Variants in PKP2 observed in about 807,000 individuals in gnomAD.
The protein encoded by PKP2 is plakophilin 2, also known as plakophilin-2.
Under a neutral mutation model 83.4 loss-of-function variants are expected in PKP2, and 73 were observed. The observed-to-expected ratio is 0.88, with a 90% CI of 0.72 to 1.06. The LOEUF (loss-of-function observed/expected upper bound fraction) is 1.06, where lower values mean the gene tolerates loss of function less well. Among genes scored for constraint, PKP2 ranks in the 50% least tolerant of loss-of-function variants. The probability of loss-of-function intolerance (pLI) is 0.00; values close to 1 mark genes in which losing one functional copy is unlikely to be tolerated. For missense variants in PKP2, 966 were observed against 1,065.4 expected (o/e 0.91, Z 1.30); for synonymous variants, 409 against 430.4 (o/e 0.95, Z 0.62).
At chr12:32,831,202 C>T (rs1956498271) in intron 6 of PKP2, among the ~76,000 whole-genome samples, 1 of 152,074 alleles carries the variant, frequency 6.6e-6, no homozygotes, top group African/African-American at 2.4e-5. Flanking sequence ...ATGTTTAAGA[C>T]CTAGAGTAGA....
intron 1 of PKP2, among the ~76,000 whole-genome samples, chr12:32,889,772 A>C (rs532158859): frequency 6.6e-6 from 1 of 152,278 alleles, no homozygotes; most frequent in South Asian, 2.1e-4. Context: ...GAATGTAGGC[A>C]GACTTTTATT....
Position 32,824,053 on chromosome 12 carries a change from C to T in PKP2, c.1666G>A (p.Asp556Asn), listed in dbSNP as rs747627830. Residue 556 changes from aspartate to asparagine, a missense_variant, in exon 7 of 13, where the codon GAT becomes AAT. Physicochemically the swap from Asp to Asn is conservative, Grantham distance 23. Transcript: ENST00000340811. ...VRGTIADYQP[D>N]DKATENCVCI... The stretch of plus-strand genomic sequence containing the variant: ...TTTATCTCTTGAATTACCTTGTCAT[C>T]TGGCTGGTAATCTGCAATGGTTCCT... The T allele has an allele frequency of 7.0e-6, 11 of 1,562,540 alleles. No individual in the cohort carries two copies. The highest frequency in any genetic ancestry group is 1.1e-5 in the South Asian group (1 of 90,028).
intron 9 of PKP2, 114 bp downstream of exon 9, chr12:32,821,242 T>C (rs1956372226): frequency 3.0e-6 from 3 of 989,690 alleles, no homozygotes; most frequent in Non-Finnish European, 4.7e-6. Context: ...AGAATTGTCT[T>C]TACTAAAATA....
intron 9 of PKP2, among the ~76,000 whole-genome samples, chr12:32,817,831 G>C (rs1476117060): frequency 6.6e-6 from 1 of 152,170 alleles, no homozygotes; most frequent in African/African-American, 2.4e-5. Context: ...ACCAGTCCGT[G>C]GACTGTTAGG....
intron 9 of PKP2, among the ~76,000 whole-genome samples, chr12:32,803,234 G>T (rs547446399): frequency 6.6e-6 from 1 of 151,992 alleles, no homozygotes; most frequent in Admixed American, 6.6e-5. Context: ...TTAGCCAGGC[G>T]TGGTGGCACG....
intron 1 of PKP2, among the ~76,000 whole-genome samples, chr12:32,884,533 T>C (rs1219848024): frequency 2.0e-5 from 3 of 152,218 alleles, no homozygotes; most frequent in Non-Finnish European, 4.4e-5. Flanking sequence ...ATAAAACTTA[T>C]ATTAAACAAA....
intron 4 of PKP2, among the ~76,000 whole-genome samples, chr12:32,867,427 G>A (rs528032042): frequency 1.3e-5 from 2 of 152,188 alleles, no homozygotes; most frequent in African/African-American, 4.8e-5. Flanking sequence ...ACAAGAAAAC[G>A]CTGGAGGTAA....
intron 10 of PKP2, among the ~76,000 whole-genome samples, chr12:32,799,631 C>T (rs191728412): frequency 7.4e-4 from 112 of 152,158 alleles, no homozygotes; most frequent in African/African-American, 2.5e-3. Flanking sequence ...ATGGCCTTTG[C>T]GGCAAATTGG....
At chr12:32,837,229 T>C (rs528094059) in intron 6 of PKP2, among the ~76,000 whole-genome samples, 2 of 152,202 alleles carry the variant, frequency 1.3e-5, no homozygotes, top group Non-Finnish European at 2.9e-5. Context: ...TCTGTGGACA[T>C]GTGACAAATA....
intron 1 of PKP2, among the ~76,000 whole-genome samples, chr12:32,891,483 AATGTAACT>A (rs1957074963): frequency 6.6e-6 from 1 of 152,238 alleles, no homozygotes; most frequent in African/African-American, 2.4e-5. Context: ...AAGATAAAAT[AATGTAACT>A]ATGTATAGGC....
chr12:32,867,353 T>C (rs946367911), intron 4 of PKP2, among the ~76,000 whole-genome samples: 4 of 152,162 alleles, frequency 2.6e-5, no homozygotes, highest in Non-Finnish European at 5.9e-5. Context: ...AGCAGATCAC[T>C]GGTTGTTTTG....
intron 1 of PKP2, among the ~76,000 whole-genome samples, chr12:32,884,265 C>T (rs1163340123): frequency 6.6e-6 from 1 of 152,128 alleles, no homozygotes; most frequent in East Asian, 1.9e-4. Flanking sequence ...ACCAGCCTGG[C>T]CAGCATGGTG....
At chr12:32,816,579 T>C (rs757553672) in intron 9 of PKP2, among the ~76,000 whole-genome samples, 3 of 152,168 alleles carry the variant, frequency 2.0e-5, no homozygotes, top group Non-Finnish European at 2.9e-5. Flanking sequence ...GGTAGAATAA[T>C]TTATTTTCCT....
intron 7 of PKP2, 60 bp from the exon 8 acceptor site, chr12:32,822,691 AT>A: frequency 1.3e-6 from 2 of 1,558,608 alleles, no homozygotes; most frequent in Non-Finnish European, 1.8e-6. Flanking sequence ...CAGGTGTGAT[AT>A]CACAGGACAC....
At chr12:32,795,634 G>A (rs1956113726) in intron 11 of PKP2, among the ~76,000 whole-genome samples, 1 of 152,094 alleles carries the variant, frequency 6.6e-6, no homozygotes, top group South Asian at 2.1e-4. Flanking sequence ...ATCTGCTTGG[G>A]CCTCCCAAAG....
At chr12:32,825,063 C>CA (rs745520852) in intron 6 of PKP2, among the ~76,000 whole-genome samples, 3 of 149,832 alleles carry the variant, frequency 2.0e-5, no homozygotes, top group South Asian at 2.1e-4. Context: ...ACAAGAATGA[C>CA]AAAAAATAGG....
intron 4 of PKP2, among the ~76,000 whole-genome samples, chr12:32,861,948 A>T (rs565972413): frequency 1.1e-4 from 16 of 152,258 alleles, no homozygotes; most frequent in African/African-American, 3.6e-4. Flanking sequence ...CCCAGGCTGG[A>T]GTGCAGTGGT....
intron 10 of PKP2, among the ~76,000 whole-genome samples, chr12:32,798,746 C>T (rs574416578): frequency 3.5e-4 from 53 of 152,276 alleles, no homozygotes; most frequent in African/African-American, 1.3e-3. Context: ...CCTCATCTCT[C>T]ACTTTATACA....
intron 6 of PKP2, among the ~76,000 whole-genome samples, chr12:32,825,337 T>C (rs1489338534): frequency 6.6e-6 from 1 of 151,820 alleles, no homozygotes; most frequent in Non-Finnish European, 1.5e-5. Context: ...CCCAGCTAAT[T>C]TTTGTATTTT....
Sources: gnomAD v4.1 joint callset for allele counts (sites outside exome capture counted in the v4.1 genomes callset) on GRCh38, gnomAD v4.1.1 for gene constraint, MANE v1.5 for transcripts, NCBI Gene and HGNC (gene_info 2026-07-23, HGNC 2026-07-21) for gene names.